The following SEPTIN9 variants were observed in gnomAD, a reference collection of about 807,000 sequenced individuals.
The protein encoded by SEPTIN9 is septin 9.
In SEPTIN9, 13 loss-of-function variants were observed where a neutral mutation model predicts 56.6. The observed-to-expected ratio is 0.23, with a 90% CI of 0.15 to 0.37. The LOEUF is 0.37. SEPTIN9 is among the 10% of genes least tolerant of loss of function. The pLI, the probability that SEPTIN9 is intolerant of heterozygous loss-of-function variation, is 1.00. For synonymous variants in SEPTIN9, 332 were observed against 334.1 expected (o/e 0.99, Z 0.07); for missense variants, 650 against 823.1 (o/e 0.79, Z 2.57).
At chr17:77,321,509 C>T (rs2032926907) in intron 2 of SEPTIN9, among the ~76,000 whole-genome samples, 1 of 151,910 alleles carries the variant, frequency 6.6e-6, no homozygotes, top group Non-Finnish European at 1.5e-5. Flanking sequence ...ATGCCATTCT[C>T]CTGCCTCAGC....
At chr17:77,363,249 G>A (rs553221327) in intron 2 of SEPTIN9, among the ~76,000 whole-genome samples, 1 of 152,314 alleles carries the variant, frequency 6.6e-6, no homozygotes, top group East Asian at 1.9e-4. Context: ...GAGCTAGTGG[G>A]AGAAGGAAAC....
chr17:77,498,598 G>T lies in SEPTIN9; in HGVS notation c.1701G>T (p.Glu567Asp). The change falls in exon 12 of 12, where the codon GAG (glutamate) becomes GAT (aspartate). Residue 567 changes from glutamate (E) to aspartate (D), a missense_variant. Glu to Asp is a conservative substitution (Grantham distance 45). This residue lies in a region of SEPTIN9 where 333 missense variants were observed against 494.0 expected (regional missense o/e 0.67). Transcript: ENST00000427177. ...FEAYRVKRLN[E>D]GSSAMANGME... ...CGTACCGTGTGAAGCGCCTCAACGAGGGCAGCAGCGCCATGGCCAACGGCA... is the reference window on the plus strand; with the variant it reads ...CGTACCGTGTGAAGCGCCTCAACGATGGCAGCAGCGCCATGGCCAACGGCA... 6.2e-7 allele frequency: 1 copy of T among 1,609,616 alleles called. No homozygotes were observed. Among genetic ancestry groups the T allele is most frequent in the Non-Finnish European group, 8.5e-7 (1 of 1,178,736 alleles).
Position 77,445,378 on chromosome 17 carries a change from A to C in SEPTIN9, c.722-36766A>C, listed in dbSNP as rs542409043. 23 of 466,442 alleles carry C rather than the reference A, an allele frequency of 4.9e-5. No homozygotes were observed. The East Asian group carries it at 1.5e-3, about 31-fold the overall frequency. 28.9% of individuals were successfully genotyped at this position (466,442 alleles called of 1,614,324 possible). A position where few individuals can be genotyped will look rare whatever the true frequency, so the allele number is the denominator to read the frequency against. Reference sequence around the variant, plus strand: ...TGATGGGAAGCATCTGCTGCATCCCATTGGGGTGTTGCCCAGGATGGATTG... The same window carrying C: ...TGATGGGAAGCATCTGCTGCATCCCCTTGGGGTGTTGCCCAGGATGGATTG... On this transcript the variant is annotated intron_variant, in intron 3 of 11. Transcript: ENST00000427177. The surrounding 1 kb of genome is among the most constrained non-coding windows in gnomAD (Gnocchi z 4.7).
intron 3 of SEPTIN9, among the ~76,000 whole-genome samples, chr17:77,444,365 G>A (rs906230407): frequency 6.6e-6 from 1 of 152,122 alleles, no homozygotes; most frequent in African/African-American, 2.4e-5. Flanking sequence ...TGGTCCAGGG[G>A]AGCAGTCATA....
chr17:77,454,109 G>A (rs576386245), intron 3 of SEPTIN9: 7 of 985,800 alleles, frequency 7.1e-6, no homozygotes, highest in Admixed American at 6.1e-5. Context: ...AATGGCCAGG[G>A]TAAGCTGTGG....
At chr17:77,444,900 C>G in intron 3 of SEPTIN9, 1 of 348,694 alleles carries the variant, frequency 2.9e-6, no homozygotes, top group Non-Finnish European at 5.9e-6. Flanking sequence ...AGAAAGTTCA[C>G]AGTTTGAGGA....
At position 77,332,760 on chromosome 17, in the gene SEPTIN9, A is replaced by G. The variant is rs570739320; in HGVS notation, c.76+25563A>G. On this transcript the variant is annotated intron_variant, in intron 2 of 11. Coordinates refer to ENST00000427177, the MANE Select transcript of SEPTIN9 (RefSeq NM_001113491.2). ...ACCACGAAATAATTTTGCCAGTTTGAGTGTTTCTTAGAGCTACCCATGTTG... is the reference window on the plus strand; with the variant it reads ...ACCACGAAATAATTTTGCCAGTTTGGGTGTTTCTTAGAGCTACCCATGTTG... Among the ~76,000 whole-genome samples the G allele has an allele frequency of 5.3e-5, 8 of 152,220 alleles. No homozygotes were observed. In the South Asian group the frequency reaches 1.2e-3, roughly 24 times the overall value.
rs924240825 is a variant in SEPTIN9, at chr17:77,329,975, G to A, written c.76+22778G>A. On this transcript the variant is annotated intron_variant, in intron 2 of 11. Transcript: ENST00000427177. The surrounding 1 kb of genome is among the most constrained non-coding windows in gnomAD (Gnocchi z 4.3). Reference sequence around the variant, plus strand: ...GGTGGGGGCTGCAGTCCATGCCCCCGCTCCAGGCAACACAGTCGAGCTGCA... The same window carrying A: ...GGTGGGGGCTGCAGTCCATGCCCCCACTCCAGGCAACACAGTCGAGCTGCA... Among the ~76,000 whole-genome samples, 12 of 152,216 alleles carry A rather than the reference G, an allele frequency of 7.9e-5. No homozygotes were observed. The East Asian group carries it at 1.2e-3, about 15-fold the overall frequency.
At chr17:77,491,218 C>A (rs1455156050) in intron 8 of SEPTIN9, among the ~76,000 whole-genome samples, 7 of 104,056 alleles carry the variant, frequency 6.7e-5, no homozygotes, top group Non-Finnish European at 1.3e-4. Context: ...TGTTTTATGC[C>A]CCCCCTTTTT....
rs2040091710 is a variant in SEPTIN9 at position 77,492,905 on chromosome 17, G to T, written c.1477-75G>T. 4.3e-6 allele frequency: 6 copies of T among 1,406,790 alleles called. No individual in the cohort carries two copies. Among genetic ancestry groups the T allele is most frequent in the Admixed American group, 1.9e-5 (1 of 51,294 alleles). 87.1% of individuals were successfully genotyped at this position (1,406,790 alleles called of 1,614,324 possible). On this transcript the variant is annotated intron_variant, in intron 9 of 11. Coordinates refer to ENST00000427177, the MANE Select transcript of SEPTIN9 (RefSeq NM_001113491.2). This position sits in a 1 kb window ranked among gnomAD's most constrained non-coding sequence, Gnocchi z 5.4. ...TTTGGGGGACCCCAGGCTCAGGGCA[G>T]CTCCTCCCGGGGGCCCAGGGGAGGG... is the stretch of plus-strand genomic sequence containing the variant.
At chr17:77,462,139 C>CAG (rs10642051) in intron 3 of SEPTIN9, among the ~76,000 whole-genome samples, 22,511 of 152,118 alleles carry the variant, frequency 0.15, 4,402 homozygotes, top group African/African-American at 0.45. Flanking sequence ...ATTAGACTGA[C>CAG]AGAGATTAAC....
intron 1 of SEPTIN9, among the ~76,000 whole-genome samples, chr17:77,291,123 G>A (rs2031531066): frequency 6.8e-6 from 1 of 147,898 alleles, no homozygotes; most frequent in Admixed American, 6.7e-5. Context: ...GCAACCCCCG[G>A]CTCCTGGATT....
chr17:77,414,693 A>G (rs1478934923), intron 3 of SEPTIN9, among the ~76,000 whole-genome samples: 1 of 146,578 alleles, frequency 6.8e-6, no homozygotes, highest in African/African-American at 2.5e-5. Context: ...TCCTCCCACC[A>G]TGGCCTCCCG....
At chr17:77,415,791 G>A (rs1262927257) in intron 3 of SEPTIN9, among the ~76,000 whole-genome samples, 1 of 152,232 alleles carries the variant, frequency 6.6e-6, no homozygotes, top group Non-Finnish European at 1.5e-5. Flanking sequence ...CGAGGTGGAC[G>A]GTGCGGAGGC....
rs1009817128 is a variant in SEPTIN9 at position 77,498,895 on chromosome 17, G to A, written c.*237G>A. The A allele has an allele frequency of 1.7e-6, 1 of 590,860 alleles. No homozygotes were observed. The highest frequency in any genetic ancestry group is 3.2e-6 in the Non-Finnish European group (1 of 312,976). 36.6% of individuals were successfully genotyped at this position (590,860 alleles called of 1,614,324 possible). A position where few individuals can be genotyped will look rare whatever the true frequency, so the allele number is the denominator to read the frequency against. On this transcript the variant is annotated 3_prime_UTR_variant, in exon 12 of 12. Coordinates refer to ENST00000427177, the MANE Select transcript of SEPTIN9 (RefSeq NM_001113491.2). Reference sequence around the variant, plus strand: ...ACTGGAGCCACAGGCAGGGGTGAGAGCACCCACTGAATTGACATGACCCTC... The same window carrying A: ...ACTGGAGCCACAGGCAGGGGTGAGAACACCCACTGAATTGACATGACCCTC...
intron 2 of SEPTIN9, among the ~76,000 whole-genome samples, chr17:77,346,694 G>A (rs1482651359): frequency 6.6e-6 from 1 of 152,070 alleles, no homozygotes; most frequent in African/African-American, 2.4e-5. Context: ...TAGGTCAATT[G>A]CTAGTTACCA....
chr17:77,471,830 G>A (rs1020502899), intron 3 of SEPTIN9, among the ~76,000 whole-genome samples: 2 of 152,230 alleles, frequency 1.3e-5, no homozygotes, highest in Admixed American at 6.5e-5. Context: ...CTTTGAGGTA[G>A]GGGCCGCTCC....
Position 77,435,989 on chromosome 17 carries a change from A to AGGGAGAACTGAGCGC in SEPTIN9, c.721+33288_721+33302dup, listed in dbSNP as rs1015882664. 2.6e-5 allele frequency among the ~76,000 whole-genome samples: 4 copies of AGGGAGAACTGAGCGC among 152,220 alleles called. No homozygotes were observed. The highest frequency in any genetic ancestry group is 1.5e-5 in the Non-Finnish European group (1 of 68,034). The stretch of plus-strand genomic sequence containing the variant: ...GCATGGAGACGTTGCTGGAGGACCA[A>AGGGAGAACTGAGCGC]GGGAGAACTGAGCGCGTGTTCTCTT... On this transcript the variant is annotated intron_variant, in intron 3 of 11. Transcript: ENST00000427177. This position sits in a 1 kb window ranked among gnomAD's most constrained non-coding sequence, Gnocchi z 4.5.
chr17:77,332,048 G>A (rs965292555), intron 2 of SEPTIN9, among the ~76,000 whole-genome samples: 9 of 152,148 alleles, frequency 5.9e-5, no homozygotes, highest in South Asian at 2.1e-4. Flanking sequence ...GGTTGAGGTA[G>A]GAGGATCACT....
Sources: allele counts gnomAD v4.1 joint callset (sites outside exome capture counted in the v4.1 genomes callset), GRCh38; gene constraint gnomAD v4.1.1; regional missense constraint gnomAD v4.1.1; non-coding constraint Gnocchi (gnomAD v3.1); transcripts MANE v1.5; gene names NCBI Gene and HGNC (gene_info 2026-07-23, HGNC 2026-07-21).